PREP: variants seen among roughly 807,000 people sequenced by gnomAD.
PREP encodes the protein prolyl endopeptidase.
Under a neutral mutation model 87.6 loss-of-function variants are expected in PREP, and 29 were observed. The observed-to-expected ratio is 0.33, with a 90% CI of 0.25 to 0.45. The LOEUF (loss-of-function observed/expected upper bound fraction) is 0.45, where lower values mean the gene tolerates loss of function less well. PREP is among the 20% of genes least tolerant of loss of function. The pLI, the probability that PREP is intolerant of heterozygous loss-of-function variation, is 1.00. For missense variants in PREP, 695 were observed against 886.5 expected (o/e 0.78, Z 2.74); for synonymous variants, 337 against 328.6 (o/e 1.03, Z -0.28).
rs1172214794 is a variant in PREP at position 105,277,072 on chromosome 6, T to A, written c.*1072A>T. Among the ~76,000 whole-genome samples the A allele has an allele frequency of 6.6e-6, 1 of 152,058 alleles. No individual in the cohort carries two copies. The highest frequency in any genetic ancestry group is 1.5e-5 in the Non-Finnish European group (1 of 68,004). ...CTCAAAGGAACATTGTTTCATGAAA[T>A]GTTAAAATATATGCCTTGAAAAAAA... On this transcript the variant is annotated 3_prime_UTR_variant, in exon 15 of 15. Transcript: ENST00000652536.
chr6:105,287,827 C>T (rs1284658864), intron 11 of PREP, among the ~76,000 whole-genome samples: 1 of 152,110 alleles, frequency 6.6e-6, no homozygotes, highest in Non-Finnish European at 1.5e-5. Flanking sequence ...AAAGCAAATT[C>T]CACTTTATAC....
At chr6:105,321,605 T>C (rs1258852055) in intron 10 of PREP, among the ~76,000 whole-genome samples, 1 of 152,112 alleles carries the variant, frequency 6.6e-6, no homozygotes, top group Non-Finnish European at 1.5e-5. Flanking sequence ...ATAAAGAATA[T>C]TACCATTATC....
chr6:105,302,177 C>T (rs771806263), intron 10 of PREP, among the ~76,000 whole-genome samples: 1 of 152,116 alleles, frequency 6.6e-6, no homozygotes, highest in Non-Finnish European at 1.5e-5. Flanking sequence ...CTGCTACACG[C>T]GGAGGCCCAG....
intron 1 of PREP, among the ~76,000 whole-genome samples, chr6:105,399,938 G>T (rs1773381492): frequency 6.6e-6 from 1 of 152,166 alleles, no homozygotes; most frequent in South Asian, 2.1e-4. Flanking sequence ...CCTGGATTAT[G>T]TTACTAAATT....
chr6:105,384,024 C>T (rs1470740014), intron 2 of PREP, among the ~76,000 whole-genome samples: 1 of 152,108 alleles, frequency 6.6e-6, no homozygotes, highest in African/African-American at 2.4e-5. Flanking sequence ...ATAAGAAAAA[C>T]AAGACTATCA....
At chr6:105,370,230 T>G (rs1772499318) in intron 5 of PREP, among the ~76,000 whole-genome samples, 1 of 149,656 alleles carries the variant, frequency 6.7e-6, no homozygotes, top group South Asian at 2.1e-4. Flanking sequence ...AGCCTGGATA[T>G]TTATAAAAAT....
intron 2 of PREP, among the ~76,000 whole-genome samples, chr6:105,392,249 A>G (rs976711236): frequency 2.0e-5 from 3 of 151,998 alleles, no homozygotes; most frequent in Admixed American, 6.6e-5. Context: ...TGTATTAGCC[A>G]GGATGGTCTC....
intron 10 of PREP, 24 bp from the exon 11 acceptor site, chr6:105,288,918 T>A: frequency 6.2e-7 from 1 of 1,601,652 alleles, no homozygotes; most frequent in East Asian, 2.2e-5. Flanking sequence ...AAGCAGAATA[T>A]AAGATTTAGC....
At chr6:105,329,503 A>G (rs12192369) in intron 8 of PREP, among the ~76,000 whole-genome samples, 20,975 of 152,200 alleles carry the variant, frequency 0.14, 1,501 homozygotes, top group South Asian at 0.2. Flanking sequence ...TTCCTTTAAT[A>G]AATGACTGTT....
intron 2 of PREP, among the ~76,000 whole-genome samples, chr6:105,380,280 G>A (rs949931278): frequency 6.6e-6 from 1 of 152,130 alleles, no homozygotes; most frequent in Admixed American, 6.5e-5. Context: ...CTGGCAGGGG[G>A]AATAACTTGG....
At chr6:105,388,665 C>T (rs1245729682) in intron 2 of PREP, among the ~76,000 whole-genome samples, 1 of 152,176 alleles carries the variant, frequency 6.6e-6, no homozygotes, top group Admixed American at 6.5e-5. Context: ...GCTAAACATT[C>T]CCACAGAAGG....
chr6:105,335,880 G>A (rs1771464338), intron 7 of PREP, among the ~76,000 whole-genome samples: 1 of 152,034 alleles, frequency 6.6e-6, no homozygotes, highest in Non-Finnish European at 1.5e-5. Flanking sequence ...GCCTGACAGA[G>A]TGAGACTCCG....
At chr6:105,286,429 G>A (rs968056474) in intron 11 of PREP, among the ~76,000 whole-genome samples, 3 of 152,290 alleles carry the variant, frequency 2.0e-5, no homozygotes, top group South Asian at 2.1e-4. Flanking sequence ...ATATTTTCTC[G>A]AGATAAGCAG....
At chr6:105,373,659 C>T in intron 4 of PREP, 81 bp from the exon 5 acceptor site, 1 of 1,322,218 alleles carries the variant, frequency 7.6e-7, no homozygotes, top group Non-Finnish European at 1.1e-6. Flanking sequence ...ACAAAGCTCT[C>T]TTTCATAACA....
intron 10 of PREP, among the ~76,000 whole-genome samples, chr6:105,293,854 A>G (rs1267202545): frequency 2.0e-5 from 3 of 152,234 alleles, no homozygotes; most frequent in Non-Finnish European, 2.9e-5. Context: ...GACATTTTCG[A>G]AACAGCCATT....
intron 7 of PREP, among the ~76,000 whole-genome samples, chr6:105,345,166 C>G (rs1414210760): frequency 6.6e-6 from 1 of 152,218 alleles, no homozygotes; most frequent in African/African-American, 2.4e-5. Flanking sequence ...GGGGCTCATT[C>G]ATTTTTGCTA....
intron 7 of PREP, among the ~76,000 whole-genome samples, chr6:105,340,304 T>C (rs970427705): frequency 1.2e-4 from 19 of 152,078 alleles, no homozygotes; most frequent in Admixed American, 1.2e-3. Flanking sequence ...GCTTCATAAG[T>C]GAAGGAGAAA....
At chr6:105,366,560 T>G (rs1337329555) in intron 6 of PREP, among the ~76,000 whole-genome samples, 1 of 152,258 alleles carries the variant, frequency 6.6e-6, no homozygotes, top group Non-Finnish European at 1.5e-5. Flanking sequence ...TTGCTTTTCT[T>G]TTTATTTGCC....
intron 10 of PREP, chr6:105,322,929 TCA>T: frequency 1.6e-6 from 2 of 1,223,352 alleles, no homozygotes; most frequent in Non-Finnish European, 2.1e-6. Flanking sequence ...TCATCTTCCT[TCA>T]CAAACAATGT....
Sources: allele counts gnomAD v4.1 joint callset (sites outside exome capture counted in the v4.1 genomes callset), GRCh38; gene constraint gnomAD v4.1.1; transcripts MANE v1.5; gene names NCBI Gene and HGNC (gene_info 2026-07-23, HGNC 2026-07-21).